The following BACH1 variants were observed in gnomAD, a reference collection of about 807,000 sequenced individuals.
BACH1 encodes transcription regulator protein BACH1.
In BACH1, 35 loss-of-function variants were observed where a neutral mutation model predicts 52.9. The observed-to-expected ratio is 0.66, with a 90% CI of 0.51 to 0.88. BACH1 has a LOEUF of 0.88. Among genes scored for constraint, BACH1 ranks in the 40% least tolerant of loss-of-function variants. The pLI, the probability that BACH1 is intolerant of heterozygous loss-of-function variation, is 0.00. For missense variants in BACH1, 808 were observed against 872.6 expected, an observed-to-expected ratio of 0.93 and a Z score of 0.93; for synonymous variants, 321 against 319.6, an observed-to-expected ratio of 1.00 and a Z score of -0.05.
At chr21:29,301,376 C>T (rs1423527982) in intron 1 of BACH1, among the ~76,000 whole-genome samples, 1 of 152,190 alleles carries the variant, frequency 6.6e-6, no homozygotes, top group Admixed American at 6.5e-5. Flanking sequence ...GGGAACATAG[C>T]CTGTTAACCA....
At chr21:29,307,023 A>T (rs1191984424) in intron 1 of BACH1, among the ~76,000 whole-genome samples, 1 of 152,188 alleles carries the variant, frequency 6.6e-6, no homozygotes, top group Non-Finnish European at 1.5e-5. Context: ...TTATGTGTAT[A>T]CTAAGAGGAC....
chr21:29,326,883 T>A lies in BACH1; in HGVS notation c.1059T>A (p.Gly353=), dbSNP rs1312244031. Residue 353 remains glycine, a synonymous_variant, in exon 3 of 5, where the codon GGT becomes GGA. Transcript: ENST00000286800. ...TGTTAACAGAAAAGCCTTTGTCAGG[T>A]ACAGACGTCCAAGAAAAAACATTTG... is the stretch of plus-strand genomic sequence containing the variant. ...TTVLTEKPLS[G]TDVQEKTFGE... 1 of 1,614,226 alleles carries A rather than the reference T, an allele frequency of 6.2e-7. No individual in the cohort carries two copies. Among genetic ancestry groups the A allele is most frequent in the South Asian group, 1.1e-5 (1 of 91,090 alleles).
At chr21:29,310,767 A>G (rs557051107) in intron 1 of BACH1, among the ~76,000 whole-genome samples, 1 of 152,358 alleles carries the variant, frequency 6.6e-6, no homozygotes, top group African/African-American at 2.4e-5. Flanking sequence ...GTGATGTGGA[A>G]GCTGTTGAGC....
chr21:29,339,088 C>T (rs2089079902), intron 4 of BACH1, among the ~76,000 whole-genome samples: 1 of 152,194 alleles, frequency 6.6e-6, no homozygotes, highest in Non-Finnish European at 1.5e-5. Flanking sequence ...CAGTGAATAA[C>T]TGTATACTGT....
At chr21:29,355,320 C>T (rs1004794229) in intron 2 of BACH1, among the ~76,000 whole-genome samples, 1 of 150,782 alleles carries the variant, frequency 6.6e-6, no homozygotes, top group Admixed American at 6.6e-5. Context: ...CTGATTGGTG[C>T]GTTTTTACAG....
At chr21:29,312,114 C>T (rs566470704) in intron 1 of BACH1, among the ~76,000 whole-genome samples, 4 of 152,340 alleles carry the variant, frequency 2.6e-5, no homozygotes, top group African/African-American at 7.2e-5. Flanking sequence ...TCATCTTCAG[C>T]CCCTGATTGT....
At chr21:29,358,316 A>C (rs1436185391) in intron 2 of BACH1, among the ~76,000 whole-genome samples, 1 of 152,260 alleles carries the variant, frequency 6.6e-6, no homozygotes, top group Non-Finnish European at 1.5e-5. Context: ...ACAAAGGAGC[A>C]ACAGACATGG....
chr21:29,327,797 G>A (rs2088932208), intron 3 of BACH1, among the ~76,000 whole-genome samples: 1 of 152,306 alleles, frequency 6.6e-6, no homozygotes, highest in Non-Finnish European at 1.5e-5. Flanking sequence ...CTCCAGCCTA[G>A]GAGACAGAGC....
chr21:29,316,714 C>T (rs1395654992), intron 1 of BACH1, among the ~76,000 whole-genome samples: 1 of 152,196 alleles, frequency 6.6e-6, no homozygotes, highest in East Asian at 1.9e-4. Flanking sequence ...TGTAGTGCCT[C>T]ATGCTAATGA....
At chr21:29,357,201 G>A (rs945276227) in intron 2 of BACH1, among the ~76,000 whole-genome samples, 8 of 152,166 alleles carry the variant, frequency 5.3e-5, no homozygotes, top group Admixed American at 1.3e-4. Context: ...TTCTGCTAAC[G>A]GGGCGCTGGT....
chr21:29,351,142 A>G (rs768356914), downstream of BACH1, among the ~76,000 whole-genome samples: 18 of 152,200 alleles, frequency 1.2e-4, no homozygotes, highest in Non-Finnish European at 1.9e-4. Context: ...CTTAGTTTAT[A>G]CTTAATCACT....
intron 1 of BACH1, among the ~76,000 whole-genome samples, chr21:29,316,615 G>A (rs1449481740): frequency 6.6e-6 from 1 of 152,202 alleles, no homozygotes; most frequent in African/African-American, 2.4e-5. Context: ...CTTGTCTGAT[G>A]TAGTTGTTAC....
chr21:29,340,236 G>T (rs2089095805), intron 4 of BACH1, among the ~76,000 whole-genome samples: 1 of 152,184 alleles, frequency 6.6e-6, no homozygotes. Flanking sequence ...TAGTAAATAT[G>T]TGTCTTAAAC....
At position 29,327,165 on chromosome 21, in the gene BACH1, A is replaced by C. The variant is rs753587832; in HGVS notation, c.1341A>C (p.Glu447Asp). Residue 447 changes from glutamate (E) to aspartate (D), a missense_variant, in exon 3 of 5, where the codon GAA becomes GAC. Coordinates refer to ENST00000286800, the MANE Select transcript of BACH1 (RefSeq NM_001186.4). ...WLGIRISESP[E>D]PGQRTFTTLS... ...GTATCAGGATTAGTGAGAGCCCAGA[A>C]CCAGGTCAAAGGACTTTCACAACAT... The C allele has an allele frequency of 1.9e-6, 3 of 1,614,238 alleles. No homozygotes were observed. Among genetic ancestry groups the C allele is most frequent in the Non-Finnish European group, 2.5e-6 (3 of 1,180,040 alleles).
Position 29,326,988 on chromosome 21 carries a change from T to A in BACH1, c.1164T>A (p.Ser388Arg). Residue 388 changes from serine (S) to arginine (R), a missense_variant, in exon 3 of 5, where the codon AGT (serine) becomes AGA (arginine). Physicochemically the swap from Ser to Arg is moderately radical, Grantham distance 110 (BLOSUM62 -1). Coordinates refer to ENST00000286800, the MANE Select transcript of BACH1 (RefSeq NM_001186.4). ...DSSVASSDRS[S>R]VEREVAEHLA... ...GTGTTGCATCTAGTGATAGGAGTAG[T>A]GTGGAGCGAGAAGTGGCAGAACACC... The A allele has an allele frequency of 1.2e-6, 2 of 1,614,142 alleles. No individual in the cohort carries two copies. The highest frequency in any genetic ancestry group is 1.7e-6 in the Non-Finnish European group (2 of 1,180,030).
At chr21:29,322,311 G>A (rs986259537) in intron 2 of BACH1, among the ~76,000 whole-genome samples, 3 of 152,208 alleles carry the variant, frequency 2.0e-5, no homozygotes, top group African/African-American at 7.2e-5. Flanking sequence ...GGCACTCCAT[G>A]AGTGTTCTGT....
intron 4 of BACH1, among the ~76,000 whole-genome samples, chr21:29,340,962 C>T (rs1200443611): frequency 6.9e-6 from 1 of 144,670 alleles, no homozygotes; most frequent in African/African-American, 2.6e-5. Flanking sequence ...TCTTGACCTA[C>T]ATCTATTTAA....
At chr21:29,324,179 C>T (rs2088881317) in intron 2 of BACH1, among the ~76,000 whole-genome samples, 1 of 150,192 alleles carries the variant, frequency 6.7e-6, no homozygotes, top group Non-Finnish European at 1.5e-5. Context: ...TTGCAGTGAG[C>T]CAAGATCGTG....
intron 1 of BACH1, chr21:29,299,626 A>G (rs1414574545): frequency 6.6e-6 from 1 of 152,216 alleles, no homozygotes; most frequent in African/African-American, 2.4e-5. Context: ...TTCTGGAGAC[A>G]CCAGCTTTGT....
Sources: gnomAD v4.1 joint callset for allele counts (sites outside exome capture counted in the v4.1 genomes callset) on GRCh38, gnomAD v4.1.1 for gene constraint, MANE v1.5 for transcripts, NCBI Gene and HGNC (gene_info 2026-07-23, HGNC 2026-07-21) for gene names.